The following PRRC2B variants were observed in gnomAD, a reference collection of about 807,000 sequenced individuals.
The protein encoded by PRRC2B is protein PRRC2B.
In PRRC2B, 68 loss-of-function variants were observed where a neutral mutation model predicts 242.3. The observed-to-expected ratio is 0.28, with a 90% CI of 0.23 to 0.34. The LOEUF (loss-of-function observed/expected upper bound fraction) is 0.34, where lower values mean the gene tolerates loss of function less well. PRRC2B is among the 10% of genes least tolerant of loss of function. PRRC2B has a pLI of 1.00. For synonymous variants in PRRC2B, 1,228 were observed against 1,173.6 expected (o/e 1.05, Z -0.95); for missense variants, 2,835 against 2,954.8 (o/e 0.96, Z 0.94).
At chr9:131,410,700 G>A (rs867442945) in intron 1 of PRRC2B, among the ~76,000 whole-genome samples, 21 of 152,282 alleles carry the variant, frequency 1.4e-4, no homozygotes, top group Middle Eastern at 3.4e-3. Context: ...CTTCGTTCAA[G>A]GAACTAATTT....
chr9:131,476,017 C>G lies in PRRC2B; in HGVS notation c.3888C>G (p.Asn1296Lys). The G allele has an allele frequency of 6.2e-7, 1 of 1,606,790 alleles. No homozygotes were observed. The highest frequency in any genetic ancestry group is 8.5e-7 in the Non-Finnish European group (1 of 1,174,874). Residue 1296 changes from asparagine to lysine, a missense_variant, in exon 16 of 32, where the codon AAC becomes AAG. Coordinates refer to ENST00000683519, the MANE Select transcript of PRRC2B (RefSeq NM_013318.4). ...EHVADSENAE[N>K]RPFRRRRPPR... is the part of the protein sequence containing the mutation. ...TGGCAGATTCTGAAAATGCAGAGAA[C>G]CGGCCCTTCAGGAGAAGGCGCCCCC...
chr9:131,412,896 A>G (rs1414207445), intron 1 of PRRC2B, among the ~76,000 whole-genome samples: 1 of 149,804 alleles, frequency 6.7e-6, no homozygotes, highest in African/African-American at 2.5e-5. Flanking sequence ...TGGGCTCAGG[A>G]GATCCTCCAG....
intron 1 of PRRC2B, among the ~76,000 whole-genome samples, chr9:131,381,492 C>T (rs377253396): frequency 4.7e-5 from 7 of 147,592 alleles, no homozygotes; most frequent in African/African-American, 1.3e-4. Flanking sequence ...GATCTCGGCT[C>T]GCTGCAACCT....
chr9:131,449,050 C>T (rs1450923767), intron 9 of PRRC2B, among the ~76,000 whole-genome samples: 1 of 152,178 alleles, frequency 6.6e-6, no homozygotes, highest in East Asian at 1.9e-4. Context: ...TGAGTGGAGT[C>T]ATACAGTTTT....
rs1216366264 is a variant in PRRC2B, at chr9:131,487,118, C to T, written c.5857-49C>T. 5.6e-6 allele frequency: 9 copies of T among 1,598,146 alleles called. No homozygotes were observed. Among genetic ancestry groups the T allele is most frequent in the Non-Finnish European group, 7.7e-6 (9 of 1,169,884 alleles). On this transcript the variant is annotated intron_variant, in intron 26 of 31. Transcript: ENST00000683519. This position sits in a 1 kb window ranked among gnomAD's most constrained non-coding sequence, Gnocchi z 5.3. The stretch of plus-strand genomic sequence containing the variant: ...GGGGAGGTGGGAGGGGAAGAACCAC[C>T]TGGATGGGCCTTGCGGTTACCTCCC...
chr9:131,439,697 C>T (rs1031635878), intron 5 of PRRC2B, among the ~76,000 whole-genome samples: 4 of 152,184 alleles, frequency 2.6e-5, no homozygotes, highest in South Asian at 2.1e-4. Flanking sequence ...CAGTCTCCAA[C>T]GGGAAATGAC....
chr9:131,435,674 G>A (rs1190377609), intron 3 of PRRC2B, among the ~76,000 whole-genome samples: 2 of 151,818 alleles, frequency 1.3e-5, no homozygotes, highest in Non-Finnish European at 2.9e-5. Context: ...ATCTGTAAGG[G>A]GGAAGAAAAA....
Position 131,438,985 on chromosome 9 carries a change from T to G in PRRC2B, c.397-4T>G. The G allele has an allele frequency of 6.2e-7, 1 of 1,611,156 alleles. No individual in the cohort carries two copies. Among genetic ancestry groups the G allele is most frequent in the African/African-American group, 1.3e-5 (1 of 74,972 alleles). ...CCCTCTTCTGATTCTCTTCCTTCTT[T>G]CAGAATACAAATTCAGTGCCAGGTG... is the stretch of plus-strand genomic sequence containing the variant. On this transcript the variant is annotated splice_polypyrimidine_tract_variant and splice_region_variant and intron_variant, in intron 4 of 31. Transcript: ENST00000683519.
intron 1 of PRRC2B, among the ~76,000 whole-genome samples, chr9:131,429,879 C>T (rs1283895387): frequency 1.3e-5 from 2 of 151,904 alleles, no homozygotes; most frequent in Non-Finnish European, 2.9e-5. Flanking sequence ...CAGATCGCCT[C>T]GGGGTGTCTA....
At position 131,486,245 on chromosome 9, in the gene PRRC2B, A is replaced by G; in HGVS notation, c.5856+63A>G. 4 of 1,104,456 alleles carry G rather than the reference A, an allele frequency of 3.6e-6. No homozygotes were observed. The South Asian group carries it at 5.6e-5, about 15-fold the overall frequency. 68.4% of individuals were successfully genotyped at this position (1,104,456 alleles called of 1,614,324 possible). A position where few individuals can be genotyped will look rare whatever the true frequency, so the allele number is the denominator to read the frequency against. ...TGGGGAGGAGCCAGTGCAGGGCGGA[A>G]TTGGCTTGCTCATCTATTTCTCATT... On this transcript the variant is annotated intron_variant, in intron 26 of 31. Coordinates refer to ENST00000683519, the MANE Select transcript of PRRC2B (RefSeq NM_013318.4).
chr9:131,385,209 C>T (rs1001847476), intron 1 of PRRC2B, among the ~76,000 whole-genome samples: 1 of 148,842 alleles, frequency 6.7e-6, no homozygotes. Flanking sequence ...GGCACTGTGG[C>T]ACATGCCTAT....
At position 131,403,565 on chromosome 9, in the gene PRRC2B, G is replaced by T. The variant is rs1837280578; in HGVS notation, c.-52+9302G>T. Among the ~76,000 whole-genome samples the T allele has an allele frequency of 3.3e-5, 5 of 151,044 alleles. No individual in the cohort carries two copies. In the Admixed American group the frequency reaches 3.3e-4, roughly 10 times the overall value. On this transcript the variant is annotated intron_variant, in intron 1 of 31. Transcript: ENST00000683519. ...AGATGGGGTTTCGCCTTGTTGCCCA[G>T]GCTGGTCGCAAACTCCTGAGCTCAG...
chr9:131,468,928 G>A (rs1943466849), intron 13 of PRRC2B, among the ~76,000 whole-genome samples: 1 of 152,144 alleles, frequency 6.6e-6, no homozygotes, highest in Non-Finnish European at 1.5e-5. Context: ...TGTTCTTGGG[G>A]TATAGAATTA....
intron 13 of PRRC2B, 98 bp from the exon 14 acceptor site, chr9:131,470,690 C>G (rs867842309): frequency 1.0e-6 from 1 of 985,118 alleles, no homozygotes; most frequent in African/African-American, 1.6e-5. Context: ...GGTGGGCTTT[C>G]TGTGCTGCCA....
intron 25 of PRRC2B, 36 bp downstream of exon 25, chr9:131,485,176 C>T: frequency 6.7e-7 from 1 of 1,483,574 alleles, no homozygotes; most frequent in African/African-American, 1.4e-5. Flanking sequence ...TGGGGTCCTT[C>T]TCCATTTATT....
Position 131,494,061 on chromosome 9 carries a change from C to T in PRRC2B, c.6474-344C>T, listed in dbSNP as rs572757992. Among the ~76,000 whole-genome samples the T allele has an allele frequency of 6.6e-5, 10 of 152,354 alleles. No homozygotes were observed. Among genetic ancestry groups the T allele is most frequent in the Admixed American group, 6.5e-4 (10 of 15,310 alleles). On this transcript the variant is annotated intron_variant, in intron 30 of 31. Coordinates refer to ENST00000683519, the MANE Select transcript of PRRC2B (RefSeq NM_013318.4). The surrounding 1 kb of genome is among the most constrained non-coding windows in gnomAD (Gnocchi z 4.3). ...AGGCCTTTTGTCTGGGGCACTGCAT[C>T]GTGTTGGTCCAGACCCTGAGACGGC...
intron 2 of PRRC2B, 135 bp from the exon 3 acceptor site, chr9:131,432,482 G>T: frequency 3.9e-6 from 3 of 760,948 alleles, no homozygotes; most frequent in Non-Finnish European, 6.4e-6. Context: ...TCCCACTGCT[G>T]GTCTGCCCTT....
chr9:131,473,623 C>G lies in PRRC2B; in HGVS notation c.2223C>G (p.Pro741=), dbSNP rs1332683880. Residue 741 remains proline, a synonymous_variant, in exon 15 of 32, where the codon CCC becomes CCG. Coordinates refer to ENST00000683519, the MANE Select transcript of PRRC2B (RefSeq NM_013318.4). The part of the protein sequence containing the change: ...QERKVTPIDS[P]PVWSPEGYMA... ...GAAAAGTGACCCCCATCGACTCACCCCCTGTGTGGAGCCCAGAGGGCTACA... is the reference window on the plus strand; with the variant it reads ...GAAAAGTGACCCCCATCGACTCACCGCCTGTGTGGAGCCCAGAGGGCTACA... 3.7e-6 allele frequency: 6 copies of G among 1,613,764 alleles called. No individual in the cohort carries two copies. Among genetic ancestry groups the G allele is most frequent in the Non-Finnish European group, 5.1e-6 (6 of 1,179,822 alleles).
intron 28 of PRRC2B, among the ~76,000 whole-genome samples, chr9:131,489,471 A>G (rs1383948482): frequency 2.0e-5 from 3 of 152,052 alleles, no homozygotes; most frequent in Admixed American, 6.5e-5. Context: ...GTTAGCCACC[A>G]CACCCAGTCT....
Sources: gnomAD v4.1 joint callset for allele counts (sites outside exome capture counted in the v4.1 genomes callset) on GRCh38, gnomAD v4.1.1 for gene constraint, Gnocchi (gnomAD v3.1) non-coding constraint, MANE v1.5 for transcripts, NCBI Gene and HGNC (gene_info 2026-07-23, HGNC 2026-07-21) for gene names.